Variants in FAT1 observed in about 807,000 individuals in gnomAD.
FAT1 encodes FAT atypical cadherin 1, also known as protocadherin Fat 1.
Under a neutral mutation model 329.8 loss-of-function variants are expected in FAT1, and 171 were observed. That is an observed-to-expected ratio of 0.52 (90% CI 0.46 to 0.59). The LOEUF (loss-of-function observed/expected upper bound fraction) is 0.59. Among genes scored for constraint, FAT1 ranks in the 20% least tolerant of loss-of-function variants. The pLI, the probability that FAT1 is intolerant of heterozygous loss-of-function variation, is 0.00. For synonymous variants in FAT1, 2,233 were observed against 2,228.6 expected, an observed-to-expected ratio of 1.00 and a Z score of -0.06; for missense variants, 5,672 against 5,774.4, an observed-to-expected ratio of 0.98 and a Z score of 0.57.
chr4:186,681,616 A>G (rs1341814288), intron 2 of FAT1, among the ~76,000 whole-genome samples: 1 of 152,232 alleles, frequency 6.6e-6, no homozygotes, highest in East Asian at 1.9e-4. Flanking sequence ...AGCACAGAAG[A>G]AAGTCAGAAT....
chr4:186,594,232 A>AT (rs564154019), intron 26 of FAT1, among the ~76,000 whole-genome samples: 7 of 151,518 alleles, frequency 4.6e-5, no homozygotes, highest in South Asian at 4.2e-4. Flanking sequence ...CGCCCGGCTG[A>AT]TTTTTTTTAT....
rs959285913 is a variant in FAT1, at chr4:186,664,433, C to T, written c.3266-820G>A. On this transcript the variant is annotated intron_variant, in intron 2 of 26. Coordinates refer to ENST00000441802, the MANE Select transcript of FAT1 (RefSeq NM_005245.4). ...AAAGCACAATAACGTATTAAATACACAAGTGAAATATCTAAGTATCTTAAT... is the reference window on the plus strand; with the variant it reads ...AAAGCACAATAACGTATTAAATACATAAGTGAAATATCTAAGTATCTTAAT... Among the ~76,000 whole-genome samples the T allele has an allele frequency of 3.9e-5, 6 of 152,274 alleles. No homozygotes were observed. The East Asian group carries it at 1.2e-3, about 29-fold the overall frequency.
chr4:186,604,467 C>T lies in FAT1; in HGVS notation c.10458G>A (p.Glu3486=), dbSNP rs1273514528. Residue 3486 remains glutamate (E), a synonymous_variant, in exon 18 of 27, where the codon GAG becomes GAA. Transcript: ENST00000441802. ...FFFTIVTGND[E]KAFEVNPQGV... ...CTTGCGGGTTAACTTCAAAAGCCTT[C>T]TCATCATTTCCAGTTACAATAGTAA... 6.2e-7 allele frequency: 1 copy of T among 1,613,980 alleles called. No homozygotes were observed. Among genetic ancestry groups the T allele is most frequent in the Admixed American group, 1.7e-5 (1 of 60,024 alleles).
chr4:186,687,926 G>C (rs1328373618), intron 2 of FAT1, among the ~76,000 whole-genome samples: 1 of 152,070 alleles, frequency 6.6e-6, no homozygotes, highest in Admixed American at 6.5e-5. Context: ...AGGTACATAT[G>C]AGTTAGGGGA....
In FAT1 at chr4:186,596,776, G is replaced by A. The variant is rs2126389779; in HGVS notation, c.12764C>T (p.Ser4255Phe). 1 of 1,614,012 alleles carries A rather than the reference G, an allele frequency of 6.2e-7. No homozygotes were observed. The highest frequency in any genetic ancestry group is 8.5e-7 in the Non-Finnish European group (1 of 1,179,892). ...IPPQVPVRPI[S>F]YTPSIPSDSR... ...GTCACTTGGAATACTCGGGGTGTAG[G>A]AAATAGGCCGGACAGGCACCTGGGG... Residue 4255 changes from serine to phenylalanine, a missense_variant, in exon 25 of 27, where the codon TCC becomes TTC. Ser to Phe is a radical substitution (Grantham distance 155). Around this residue, in one of 2 missense-constraint regions of FAT1, gnomAD observed 1,706 missense variants for 1,859.1 expected, o/e 0.92. Transcript: ENST00000441802. This position sits in a 1 kb window ranked among gnomAD's most constrained non-coding sequence, Gnocchi z 4.7.
chr4:186,726,081 T>G (rs997397093), upstream of FAT1, among the ~76,000 whole-genome samples: 1 of 152,226 alleles, frequency 6.6e-6, no homozygotes, highest in African/African-American at 2.4e-5. Context: ...ATTGCTATAA[T>G]AAGTTACATT....
At chr4:186,721,704 T>C (rs1257954739) in intron 1 of FAT1, among the ~76,000 whole-genome samples, 2 of 152,040 alleles carry the variant, frequency 1.3e-5, no homozygotes, top group African/African-American at 4.8e-5. Flanking sequence ...TAAAACATAA[T>C]CTCTAAGATC....
At position 186,604,602 on chromosome 4, in the gene FAT1, C is replaced by T. The variant is rs547721109; in HGVS notation, c.10351-28G>A. 2.6e-6 allele frequency: 4 copies of T among 1,541,012 alleles called. No individual in the cohort carries two copies. The African/African-American group carries it at 5.5e-5, about 21-fold the overall frequency. ...GCACAAGATTAGAAACAAAATTAAA[C>T]AAAAATCCTGGAACACAGCCAAATC... On this transcript the variant is annotated intron_variant, in intron 17 of 26. Transcript: ENST00000441802.
intron 21 of FAT1, among the ~76,000 whole-genome samples, chr4:186,600,808 T>G (rs1738777357): frequency 6.6e-6 from 1 of 152,334 alleles, no homozygotes; most frequent in East Asian, 1.9e-4. Context: ...CCTCCCCTGT[T>G]CAAGTGATTC....
At chr4:186,609,427 T>TC in intron 15 of FAT1, 107 bp from the exon 16 acceptor site, 4 of 1,351,476 alleles carry the variant, frequency 3.0e-6, no homozygotes. Context: ...TGTTGTTGTT[T>TC]TTTTTTTGAG....
chr4:186,687,857 G>T (rs1439646748), intron 2 of FAT1, among the ~76,000 whole-genome samples: 2 of 152,082 alleles, frequency 1.3e-5, no homozygotes, highest in African/African-American at 2.4e-5. Flanking sequence ...TTCAGTAAAT[G>T]TTTTCTGTTC....
chr4:186,595,920 G>T, intron 25 of FAT1, 94 bp from the exon 26 acceptor site: 1 of 1,296,054 alleles, frequency 7.7e-7, no homozygotes, highest in African/African-American at 1.5e-5. Flanking sequence ...CCCAACGATG[G>T]CCTGAGATTT....
chr4:186,680,424 T>C (rs1235385855), intron 2 of FAT1, among the ~76,000 whole-genome samples: 5 of 152,188 alleles, frequency 3.3e-5, no homozygotes, highest in Admixed American at 2.6e-4. Flanking sequence ...AAACACTGAA[T>C]AGGCTTTAAT....
In FAT1 at chr4:186,673,261, A is replaced by G. The variant is rs553082658; in HGVS notation, c.3266-9648T>C. On this transcript the variant is annotated intron_variant, in intron 2 of 26. Coordinates refer to ENST00000441802, the MANE Select transcript of FAT1 (RefSeq NM_005245.4). ...TCTGTAACCATGGATTTAAAAATCTATATTTAAAATGTATACAATAAAAGT... is the reference window on the plus strand; with the variant it reads ...TCTGTAACCATGGATTTAAAAATCTGTATTTAAAATGTATACAATAAAAGT... Among the ~76,000 whole-genome samples, 43 of 152,356 alleles carry G rather than the reference A, an allele frequency of 2.8e-4. No individual in the cohort carries two copies. The South Asian group carries it at 7.7e-3, about 27-fold the overall frequency.
intron 3 of FAT1, among the ~76,000 whole-genome samples, chr4:186,651,316 G>A (rs1457762152): frequency 1.3e-5 from 2 of 151,904 alleles, no homozygotes; most frequent in East Asian, 1.9e-4. Flanking sequence ...AAAATGAAAC[G>A]GCCCCAGAAC....
Position 186,614,326 on chromosome 4 carries a change from T to C in FAT1, c.9094A>G (p.Ile3032Val), listed in dbSNP as rs764196723. 8 of 1,570,204 alleles carry C rather than the reference T, an allele frequency of 5.1e-6. No homozygotes were observed. Among genetic ancestry groups the C allele is most frequent in the African/African-American group, 2.8e-5 (2 of 72,320 alleles). The part of the protein sequence containing the change: ...VCEKTLYSDT[I>V]PEDVLPGKLI... ...TTTCCAGGAAGGACGTCTTCAGGAATAGTGTCTGAATATAAAGTCTGCAAA... is the reference window on the plus strand; with the variant it reads ...TTTCCAGGAAGGACGTCTTCAGGAACAGTGTCTGAATATAAAGTCTGCAAA... Residue 3032 changes from isoleucine to valine, a missense_variant, in exon 12 of 27, where the codon ATT becomes GTT. This residue lies in a region of FAT1 where 3,966 missense variants were observed against 3,915.2 expected (regional missense o/e 1.01). Coordinates refer to ENST00000441802, the MANE Select transcript of FAT1 (RefSeq NM_005245.4).
chr4:186,605,190 T>C (rs551147404), intron 17 of FAT1, among the ~76,000 whole-genome samples: 3 of 125,464 alleles, frequency 2.4e-5, no homozygotes, highest in Non-Finnish European at 3.2e-5. Context: ...CACTCTAGCC[T>C]GGGCAATGAG....
rs942713698 is a variant in FAT1, at chr4:186,606,356, A to C, written c.10207-143T>G. Reference sequence around the variant, plus strand: ...GCATCCTGCCTGTGAGCGATGCCCTAATCTCCTACAAACGAGTGCATGCAA... The same window carrying C: ...GCATCCTGCCTGTGAGCGATGCCCTCATCTCCTACAAACGAGTGCATGCAA... On this transcript the variant is annotated intron_variant, in intron 16 of 26. Transcript: ENST00000441802. 1.3e-5 allele frequency: 10 copies of C among 753,982 alleles called. No homozygotes were observed. The Admixed American group carries it at 2.1e-4, about 16-fold the overall frequency. 46.7% of individuals were successfully genotyped at this position (753,982 alleles called of 1,614,324 possible).
At chr4:186,679,416 C>CAAAAA (rs1169141587) in intron 2 of FAT1, among the ~76,000 whole-genome samples, 1 of 50,308 alleles carries the variant, frequency 2.0e-5, no homozygotes, top group African/African-American at 6.0e-5. Context: ...GACTCTGTCT[C>CAAAAA]AAAAAAAAAA....
Sources: allele counts gnomAD v4.1 joint callset (sites outside exome capture counted in the v4.1 genomes callset), GRCh38; gene constraint gnomAD v4.1.1; regional missense constraint gnomAD v4.1.1; non-coding constraint Gnocchi (gnomAD v3.1); transcripts MANE v1.5; gene names NCBI Gene and HGNC (gene_info 2026-07-23, HGNC 2026-07-21).